Variants in CDK14 observed in about 807,000 individuals in gnomAD.
CDK14 encodes the protein cyclin-dependent kinase 14.
In CDK14, 34 loss-of-function variants were observed where a neutral mutation model predicts 60.7. That is an observed-to-expected ratio of 0.56 (90% CI 0.43 to 0.75). The LOEUF is 0.75. CDK14 is among the 30% of genes least tolerant of loss of function. The pLI, the probability that CDK14 is intolerant of heterozygous loss-of-function variation, is 0.00. For synonymous variants in CDK14, 197 were observed against 203.7 expected (o/e 0.97, Z 0.28); for missense variants, 482 against 564.1 (o/e 0.85, Z 1.47).
Position 90,790,595 on chromosome 7 carries a change from C to G in CDK14, c.487C>G (p.Leu163Val). The G allele has an allele frequency of 1.9e-6, 3 of 1,612,584 alleles. No homozygotes were observed. The highest frequency in any genetic ancestry group is 1.7e-6 in the Non-Finnish European group (2 of 1,179,028). ...KSKVNGKLVA[L>V]KVIRLQEEEG... ...CAGGGTAAATGGGAAGTTGGTAGCT[C>G]TGAAGGTGATCAGGCTGCAGGAAGA... The change falls in exon 5 of 15, where the codon CTG becomes GTG. Residue 163 changes from leucine (L) to valine (V), a missense_variant. Physicochemically the swap from Leu to Val is conservative, Grantham distance 32. Coordinates refer to ENST00000380050, the MANE Select transcript of CDK14 (RefSeq NM_001287135.2).
At chr7:91,151,604 C>A (rs1321896587) in intron 14 of CDK14, among the ~76,000 whole-genome samples, 2 of 152,140 alleles carry the variant, frequency 1.3e-5, no homozygotes, top group African/African-American at 2.4e-5. Flanking sequence ...CATGCTTTTA[C>A]AACAATCTAA....
intron 2 of CDK14, among the ~76,000 whole-genome samples, chr7:90,704,154 A>T (rs919171339): frequency 5.3e-5 from 8 of 152,338 alleles, no homozygotes; most frequent in Admixed American, 3.3e-4. Flanking sequence ...TAAGATTTTT[A>T]AAAAATGATA....
chr7:91,201,306 TACA>T (rs1802714505), intron 14 of CDK14, among the ~76,000 whole-genome samples: 1 of 152,152 alleles, frequency 6.6e-6, no homozygotes, highest in Non-Finnish European at 1.5e-5. Context: ...TAGGCATATT[TACA>T]AAGAAGTCTC....
intron 1 of CDK14, among the ~76,000 whole-genome samples, chr7:90,598,744 G>T (rs1255169253): frequency 9.5e-6 from 1 of 104,962 alleles, no homozygotes; most frequent in African/African-American, 3.7e-5. Flanking sequence ...TCGCTCTGTC[G>T]CCCAGGCTGG....
At chr7:90,688,768 G>A (rs1801493902) in intron 2 of CDK14, among the ~76,000 whole-genome samples, 3 of 152,170 alleles carry the variant, frequency 2.0e-5, no homozygotes, top group Admixed American at 2.0e-4. Context: ...CTCCACTGGT[G>A]TAGTCAGTGC....
chr7:90,639,205 C>G (rs2116433331), intron 2 of CDK14, among the ~76,000 whole-genome samples: 1 of 152,218 alleles, frequency 6.6e-6, no homozygotes, highest in South Asian at 2.1e-4. Flanking sequence ...AGGAGAGGTG[C>G]TCTGCTTAGA....
intron 2 of CDK14, among the ~76,000 whole-genome samples, chr7:90,658,853 A>C (rs1257872772): frequency 6.6e-6 from 1 of 152,156 alleles, no homozygotes; most frequent in Non-Finnish European, 1.5e-5. Context: ...TAACTATGAT[A>C]TGTTTAGCAT....
intron 6 of CDK14, among the ~76,000 whole-genome samples, chr7:90,890,328 A>G (rs1232552519): frequency 6.6e-6 from 1 of 152,182 alleles, no homozygotes; most frequent in Non-Finnish European, 1.5e-5. Context: ...AGCTATGATC[A>G]CACCACTACA....
At chr7:91,018,785 A>G (rs553189410) in intron 10 of CDK14, among the ~76,000 whole-genome samples, 2 of 152,224 alleles carry the variant, frequency 1.3e-5, no homozygotes, top group East Asian at 1.9e-4. Context: ...ATGTTCCTCC[A>G]TGATTGTGAA....
At chr7:90,734,145 C>T (rs1802989149) in intron 3 of CDK14, among the ~76,000 whole-genome samples, 5 of 152,230 alleles carry the variant, frequency 3.3e-5, no homozygotes, top group Non-Finnish European at 5.9e-5. Flanking sequence ...CCTCCACTCT[C>T]TTCTGGCTTG....
At chr7:90,597,467 G>A (rs977181181) in intron 1 of CDK14, 1 of 152,150 alleles carries the variant, frequency 6.6e-6, no homozygotes, top group African/African-American at 2.4e-5. Context: ...AGTATCACGT[G>A]GAATGGGTTT....
intron 6 of CDK14, among the ~76,000 whole-genome samples, chr7:90,873,528 G>T (rs1240851286): frequency 6.6e-6 from 1 of 152,058 alleles, no homozygotes; most frequent in Non-Finnish European, 1.5e-5. Flanking sequence ...TCACATAATG[G>T]TTTAGTTTAA....
At chr7:91,066,579 G>T (rs964232834) in intron 11 of CDK14, among the ~76,000 whole-genome samples, 1 of 152,110 alleles carries the variant, frequency 6.6e-6, no homozygotes, top group Admixed American at 6.5e-5. Context: ...TACACTGCAT[G>T]CTTATATGCA....
chr7:90,756,392 G>A (rs1562754990), intron 4 of CDK14, among the ~76,000 whole-genome samples: 1 of 152,202 alleles, frequency 6.6e-6, no homozygotes, highest in Non-Finnish European at 1.5e-5. Flanking sequence ...TATTATGCCT[G>A]AATAAAAGAA....
At chr7:90,645,145 TC>T (rs1800434427) in intron 2 of CDK14, among the ~76,000 whole-genome samples, 1 of 152,214 alleles carries the variant, frequency 6.6e-6, no homozygotes, top group Non-Finnish European at 1.5e-5. Flanking sequence ...TTACATGTGT[TC>T]TTCTCAACAT....
chr7:91,086,743 G>A (rs1798653900), intron 12 of CDK14, among the ~76,000 whole-genome samples: 1 of 152,000 alleles, frequency 6.6e-6, no homozygotes, highest in Non-Finnish European at 1.5e-5. Flanking sequence ...ACAAAGTGAA[G>A]CATGAACAGA....
At chr7:91,172,655 CTG>C (rs1801561549) in intron 14 of CDK14, among the ~76,000 whole-genome samples, 1 of 152,212 alleles carries the variant, frequency 6.6e-6, no homozygotes, top group South Asian at 2.1e-4. Flanking sequence ...AAAACCCACT[CTG>C]TGTTCCCCAC....
chr7:91,159,480 G>A (rs1039768882), intron 14 of CDK14, among the ~76,000 whole-genome samples: 3 of 152,146 alleles, frequency 2.0e-5, no homozygotes, highest in African/African-American at 7.2e-5. Context: ...TTGGACATTT[G>A]GAAATGATAT....
intron 13 of CDK14, among the ~76,000 whole-genome samples, chr7:91,114,025 A>C (rs1396810907): frequency 4.6e-5 from 7 of 152,214 alleles, no homozygotes; most frequent in Admixed American, 3.3e-4. Context: ...TTAAATTAAA[A>C]ATTAAATCCC....
Sources: gnomAD v4.1 joint callset for allele counts (sites outside exome capture counted in the v4.1 genomes callset) on GRCh38, gnomAD v4.1.1 for gene constraint, MANE v1.5 for transcripts, NCBI Gene and HGNC (gene_info 2026-07-23, HGNC 2026-07-21) for gene names.